TMPRSS6: variants seen among roughly 807,000 people sequenced by gnomAD.
TMPRSS6 encodes the protein transmembrane protease serine 6.
In TMPRSS6, 67 loss-of-function variants were observed where a neutral mutation model predicts 101.5. The observed-to-expected ratio is 0.66, with a 90% CI of 0.54 to 0.81. The LOEUF is 0.81. Among genes scored for constraint, TMPRSS6 ranks in the 30% least tolerant of loss-of-function variants. The pLI, the probability that TMPRSS6 is intolerant of heterozygous loss-of-function variation, is 0.00. For missense variants in TMPRSS6, 1,034 were observed against 1,088.7 expected, an observed-to-expected ratio of 0.95 and a Z score of 0.71; for synonymous variants, 453 against 464.9, an observed-to-expected ratio of 0.97 and a Z score of 0.33.
At chr22:37,107,569 C>A (rs1163133108) in intron 1 of TMPRSS6, among the ~76,000 whole-genome samples, 1 of 152,060 alleles carries the variant, frequency 6.6e-6, no homozygotes. Flanking sequence ...ACCCACCCCC[C>A]TACCCAGTGA....
chr22:37,097,808 GGCAGGAGCGGCCACCGTCCTGTAAC>G (rs2146164634), intron 3 of TMPRSS6, among the ~76,000 whole-genome samples: 1 of 129,004 alleles, frequency 7.8e-6, no homozygotes, highest in African/African-American at 3.0e-5. Flanking sequence ...GTAACGGAGG[GGCAGGAGCGGCCACCGTCCTGTAAC>G]GGAGGGGGAA....
chr22:37,104,309 C>G (rs1365929123), intron 1 of TMPRSS6, among the ~76,000 whole-genome samples: 1 of 152,112 alleles, frequency 6.6e-6, no homozygotes, highest in African/African-American at 2.4e-5. Context: ...TTAAAAAAAC[C>G]CTGAAGCCCA....
intron 10 of TMPRSS6, among the ~76,000 whole-genome samples, chr22:37,078,711 AGGAGGC>A (rs1288717486): frequency 2.8e-5 from 1 of 36,174 alleles, no homozygotes; most frequent in African/African-American, 8.0e-5. Context: ...AAGAGGAAGG[AGGAGGC>A]GGAGGAGAAG....
intron 3 of TMPRSS6, among the ~76,000 whole-genome samples, chr22:37,098,132 G>C (rs565852856): frequency 6.6e-6 from 1 of 152,312 alleles, no homozygotes; most frequent in East Asian, 1.9e-4. Context: ...AGGGGCAGGA[G>C]CGGGCCCTCA....
intron 1 of TMPRSS6, among the ~76,000 whole-genome samples, chr22:37,108,037 T>C (rs1035805101): frequency 6.6e-6 from 1 of 152,224 alleles, no homozygotes; most frequent in African/African-American, 2.4e-5. Flanking sequence ...TGTGTGCATA[T>C]GTGGCCTGGC....
At chr22:37,088,331 C>T (rs1569014537) in intron 7 of TMPRSS6, among the ~76,000 whole-genome samples, 1 of 152,132 alleles carries the variant, frequency 6.6e-6, no homozygotes, top group Admixed American at 6.5e-5. Flanking sequence ...TGGCAAGAAC[C>T]TCTGCCAGCT....
At chr22:37,089,542 C>CTG in intron 7 of TMPRSS6, 36 bp downstream of exon 7, 1 of 1,456,026 alleles carries the variant, frequency 6.9e-7, no homozygotes, top group Non-Finnish European at 9.5e-7. Flanking sequence ...CTCCCTTTTC[C>CTG]AGCCCTCCCT....
intron 7 of TMPRSS6, among the ~76,000 whole-genome samples, chr22:37,088,642 G>A (rs1928976013): frequency 6.6e-6 from 1 of 151,002 alleles, no homozygotes; most frequent in Non-Finnish European, 1.5e-5. Context: ...GATCACTTCT[G>A]TACTCCACTC....
intron 15 of TMPRSS6, 126 bp downstream of exon 15, chr22:37,070,358 G>T (rs1926767157): frequency 3.2e-6 from 4 of 1,268,710 alleles, no homozygotes; most frequent in Non-Finnish European, 4.5e-6. Context: ...TCACATCACA[G>T]TAGCCTGTCT....
rs1928516580 is a variant in TMPRSS6 at position 37,084,373 on chromosome 22, C to A, written c.1118G>T (p.Trp373Leu). ...CCTCCTCAGTGCATAGGCATCAAAC[C>A]AGAGGGCCAAGCCGTAGTCCAGAGA... Reference protein sequence around the residue: ...VPSLDYGLALWFDAYALRRQK... With the variant: ...VPSLDYGLALLFDAYALRRQK... Residue 373 changes from tryptophan (W) to leucine (L), a missense_variant, in exon 10 of 18, where the codon TGG becomes TTG. Physicochemically the swap from Trp to Leu is moderately conservative, Grantham distance 61. Coordinates refer to ENST00000676104, the MANE Select transcript of TMPRSS6 (RefSeq NM_001374504.1). The A allele has an allele frequency of 1.2e-6, 2 of 1,612,952 alleles. No homozygotes were observed. The highest frequency in any genetic ancestry group is 4.5e-5 in the East Asian group (2 of 44,846).
rs185841062 is a variant in TMPRSS6, at chr22:37,092,716, G to A, written c.631+2835C>T. Among the ~76,000 whole-genome samples, 388 of 152,258 alleles carry A rather than the reference G, an allele frequency of 2.5e-3. 2 individuals carry two copies. The highest frequency in any genetic ancestry group is 8.4e-3 in the African/African-American group (347 of 41,546). On this transcript the variant is annotated intron_variant, in intron 6 of 17. Transcript: ENST00000676104. ...TTGCCATGTTGGCCAGGCTGGCCTC[G>A]AACTCCTGACCTCAGGTGATCCGCT... is the stretch of plus-strand genomic sequence containing the variant.
At chr22:37,097,767 T>G (rs1318854973) in intron 3 of TMPRSS6, among the ~76,000 whole-genome samples, 2 of 81,550 alleles carry the variant, frequency 2.5e-5, no homozygotes, top group Non-Finnish European at 2.3e-5. Context: ...CACTGTCCTG[T>G]AACGGAGGGG....
rs1026066441 is a variant in TMPRSS6, at chr22:37,101,724, G to A, written c.202+1492C>T. On this transcript the variant is annotated intron_variant, in intron 2 of 17. Transcript: ENST00000676104. This position sits in a 1 kb window ranked among gnomAD's most constrained non-coding sequence, Gnocchi z 4.1. ...CCCCATGGAGCACCTCTCCTGGGGT[G>A]GGGGGTGATTTACCCCAGGAGCATA... Among the ~76,000 whole-genome samples the A allele has an allele frequency of 2.0e-5, 3 of 152,080 alleles. No homozygotes were observed. Among genetic ancestry groups the A allele is most frequent in the East Asian group, 1.9e-4 (1 of 5,198 alleles).
chr22:37,078,963 GAAAGAAAGAAAAAGAAAGAAAGAAAGAA>G (rs1457596940), intron 10 of TMPRSS6, among the ~76,000 whole-genome samples: 1,020 of 92,506 alleles, frequency 0.011, 11 homozygotes, highest in African/African-American at 0.036. Context: ...AAAAGAGAAA[GAAAGAAAGAAAAAGAAAGAAAGAAAGAA>G]AGAAAGAAAG....
chr22:37,095,795 G>T, intron 5 of TMPRSS6, 111 bp downstream of exon 5: 7 of 1,434,432 alleles, frequency 4.9e-6, no homozygotes, highest in Non-Finnish European at 6.8e-6. Context: ...CTCCTGGGGG[G>T]CCCACCCTGA....
At chr22:37,094,818 G>A (rs1929609380) in intron 6 of TMPRSS6, among the ~76,000 whole-genome samples, 1 of 152,306 alleles carries the variant, frequency 6.6e-6, no homozygotes, top group South Asian at 2.1e-4. Context: ...CCTGAGAAGG[G>A]GTTGAGACGC....
intron 3 of TMPRSS6, 110 bp downstream of exon 3, chr22:37,098,306 C>T (rs1010834893): frequency 6.5e-7 from 1 of 1,527,348 alleles, no homozygotes; most frequent in Non-Finnish European, 9.1e-7. Context: ...GGGCTGTGGT[C>T]CCTGTGAATG....
intron 9 of TMPRSS6, 126 bp downstream of exon 9, chr22:37,084,601 T>C: frequency 1.1e-6 from 1 of 895,832 alleles, no homozygotes; most frequent in South Asian, 1.5e-5. Context: ...GCAGGATGTG[T>C]ACCCAGGGCT....
rs1926733041 is a variant in TMPRSS6, at chr22:37,069,958, T to C, written c.1841+526A>G. ...CAGAGAGGATACAAAAGGGGATCCC[T>C]GTGCAGGGCCTGGGGGCGGGATCTG... On this transcript the variant is annotated intron_variant, in intron 15 of 17. Transcript: ENST00000676104. This position sits in a 1 kb window ranked among gnomAD's most constrained non-coding sequence, Gnocchi z 4.8. Among the ~76,000 whole-genome samples the C allele has an allele frequency of 1.3e-5, 2 of 151,596 alleles. No individual in the cohort carries two copies. The highest frequency in any genetic ancestry group is 1.3e-4 in the Admixed American group (2 of 15,254).
Sources: allele counts gnomAD v4.1 joint callset (sites outside exome capture counted in the v4.1 genomes callset), GRCh38; gene constraint gnomAD v4.1.1; non-coding constraint Gnocchi (gnomAD v3.1); transcripts MANE v1.5; gene names NCBI Gene and HGNC (gene_info 2026-07-23, HGNC 2026-07-21).